ABLIM1: variants seen among roughly 807,000 people sequenced by gnomAD.
ABLIM1 encodes actin-binding LIM protein 1.
A neutral mutation model predicts 107.0 loss-of-function variants in ABLIM1; 40 were observed. That is an observed-to-expected ratio of 0.37 (90% CI 0.29 to 0.49). The LOEUF is 0.49. Ranked by LOEUF, ABLIM1 falls within the 20% of genes least tolerant of loss-of-function variation. The pLI, the probability that ABLIM1 is intolerant of heterozygous loss-of-function variation, is 0.97. For synonymous variants in ABLIM1, 357 were observed against 357.3 expected (o/e 1.00, Z 0.01); for missense variants, 857 against 1,008.5 (o/e 0.85, Z 2.04).
intron 1 of ABLIM1, among the ~76,000 whole-genome samples, chr10:114,608,551 C>A (rs988689571): frequency 6.6e-6 from 1 of 152,072 alleles, no homozygotes; most frequent in African/African-American, 2.4e-5. Context: ...TGCCTGTAAT[C>A]CCAGCTACTC....
intron 1 of ABLIM1, among the ~76,000 whole-genome samples, chr10:114,712,107 C>T (rs190453699): frequency 1.3e-5 from 2 of 151,918 alleles, no homozygotes; most frequent in African/African-American, 2.4e-5. Context: ...AATCCCAGCA[C>T]GTTGGGAGGC....
chr10:114,798,721 A>T, the ABLIM1 span, among the ~76,000 whole-genome samples: 1 of 152,194 alleles, frequency 6.6e-6, no homozygotes, highest in Admixed American at 6.5e-5. Context: ...AGCCTGGGTG[A>T]CAAAGCAAGA....
At position 114,438,849 on chromosome 10, in the gene ABLIM1, G is replaced by A. The variant is rs531639125; in HGVS notation, c.2142+327C>T. On this transcript the variant is annotated intron_variant, in intron 21 of 22. Coordinates refer to ENST00000533213, the MANE Select transcript of ABLIM1 (RefSeq NM_002313.7). Reference sequence around the variant, plus strand: ...GGGCTTTCAATGGTGAAACAGGGTTGCCTCACCTACATGGTGAGTCTGCAG... The same window carrying A: ...GGGCTTTCAATGGTGAAACAGGGTTACCTCACCTACATGGTGAGTCTGCAG... 5.9e-5 allele frequency among the ~76,000 whole-genome samples: 9 copies of A among 152,326 alleles called. No individual in the cohort carries two copies. In the East Asian group the frequency reaches 1.7e-3, roughly 29 times the overall value.
chr10:114,599,582 G>A (rs537198794), intron 2 of ABLIM1, among the ~76,000 whole-genome samples: 14 of 152,024 alleles, frequency 9.2e-5, no homozygotes, highest in African/African-American at 3.1e-4. Context: ...GACCAGCCTG[G>A]CCAACATGAT....
rs972044606 is a variant in ABLIM1, at chr10:114,435,805, G to T, written c.*455C>A. 1.9e-5 allele frequency: 3 copies of T among 154,706 alleles called. No individual in the cohort carries two copies. Among genetic ancestry groups the T allele is most frequent in the African/African-American group, 7.2e-5 (3 of 41,440 alleles). The allele number at this position is 154,706 out of a possible 1,614,324, so 9.6% of individuals were successfully genotyped here. On this transcript the variant is annotated 3_prime_UTR_variant, in exon 23 of 23. Coordinates refer to ENST00000533213, the MANE Select transcript of ABLIM1 (RefSeq NM_002313.7). The stretch of plus-strand genomic sequence containing the variant: ...TGAAATCACTGCCACCCCATGGACA[G>T]ACCCCTCACTCTTCCTTCTTAGCCG...
chr10:114,690,673 C>T (rs949772119), intron 1 of ABLIM1: 12 of 537,080 alleles, frequency 2.2e-5, no homozygotes, highest in East Asian at 2.1e-4. Context: ...GTGGCGGCAG[C>T]GTCTGCAAAA....
At chr10:114,577,071 G>A (rs1565987699) in intron 2 of ABLIM1, among the ~76,000 whole-genome samples, 1 of 152,124 alleles carries the variant, frequency 6.6e-6, no homozygotes, top group Non-Finnish European at 1.5e-5. Context: ...AGCAACAATA[G>A]GCAGTCTGGG....
chr10:114,608,364 C>A (rs928549673), intron 1 of ABLIM1, among the ~76,000 whole-genome samples: 1 of 151,748 alleles, frequency 6.6e-6, no homozygotes, highest in Admixed American at 6.6e-5. Context: ...AAGTCTGTCA[C>A]CAAAATAAAT....
chr10:114,609,081 A>G (rs1216579168), intron 1 of ABLIM1, among the ~76,000 whole-genome samples: 1 of 152,094 alleles, frequency 6.6e-6, no homozygotes, highest in Non-Finnish European at 1.5e-5. Context: ...CTAACTTCAG[A>G]GATCTTCAAT....
At chr10:114,461,549 T>C (rs2063909751) in intron 12 of ABLIM1, among the ~76,000 whole-genome samples, 2 of 152,290 alleles carry the variant, frequency 1.3e-5, no homozygotes, top group African/African-American at 2.4e-5. Flanking sequence ...CTGAGCATGA[T>C]AGCTCACGCC....
chr10:114,583,070 C>T (rs943847150), intron 2 of ABLIM1, among the ~76,000 whole-genome samples: 2 of 151,916 alleles, frequency 1.3e-5, no homozygotes, highest in Non-Finnish European at 2.9e-5. Context: ...ACAGAGTAAA[C>T]AGACAACCTA....
At chr10:114,788,077 A>C in the ABLIM1 span, among the ~76,000 whole-genome samples, 2 of 151,212 alleles carry the variant, frequency 1.3e-5, no homozygotes, top group Non-Finnish European at 2.9e-5. Context: ...ACTCAGGGTT[A>C]AATGGATTAA....
chr10:114,469,985 C>T (rs1316216594), intron 10 of ABLIM1, among the ~76,000 whole-genome samples: 1 of 152,196 alleles, frequency 6.6e-6, no homozygotes, highest in Admixed American at 6.5e-5. Context: ...TCTGCAGCTA[C>T]AGCCTGTCTC....
chr10:114,743,082 T>C (rs1053877354), intron 1 of ABLIM1, among the ~76,000 whole-genome samples: 7 of 152,214 alleles, frequency 4.6e-5, no homozygotes, highest in South Asian at 2.1e-4. Context: ...TAATAAGTAG[T>C]ATACGTTTAA....
the ABLIM1 span, among the ~76,000 whole-genome samples, chr10:114,797,150 T>C: frequency 4.0e-3 from 611 of 152,294 alleles, 1 homozygote; most frequent in African/African-American, 0.014. Flanking sequence ...CCAGACGTTG[T>C]TGGAACCTCC....
At chr10:114,732,175 CTTTTCTTTTTTT>C (rs2082087867) in intron 1 of ABLIM1, among the ~76,000 whole-genome samples, 1 of 131,602 alleles carries the variant, frequency 7.6e-6, no homozygotes, top group Admixed American at 7.7e-5. Flanking sequence ...CTTTTCTTTT[CTTTTCTTTTTTT>C]TTTTTTTTTT....
In ABLIM1 at chr10:114,690,531, C is replaced by G. The variant is rs745770008; in HGVS notation, c.-213+77530G>C. 12 of 1,373,094 alleles carry G rather than the reference C, an allele frequency of 8.7e-6. No individual in the cohort carries two copies. The East Asian group carries it at 2.5e-4, about 29-fold the overall frequency. 85.1% of individuals were successfully genotyped at this position (1,373,094 alleles called of 1,614,324 possible). The stretch of plus-strand genomic sequence containing the variant: ...TCCTTTCTCTCCCATGCCCAGAACA[C>G]GAAGGTTTTCTGCTGTCTTTGGAAA... On this transcript the variant is annotated intron_variant, in intron 1 of 15. Transcript: ENST00000651092.
At chr10:114,437,485 A>G (rs564476587) in intron 22 of ABLIM1, among the ~76,000 whole-genome samples, 2 of 150,214 alleles carry the variant, frequency 1.3e-5, no homozygotes, top group African/African-American at 5.0e-5. Flanking sequence ...TGCCCCGTGA[A>G]TTTTTGTATT....
At chr10:114,685,803 A>T (rs866643986), upstream of ABLIM1, among the ~76,000 whole-genome samples, 1 of 152,218 alleles carries the variant, frequency 6.6e-6, no homozygotes, top group Non-Finnish European at 1.5e-5. Context: ...TTTTAGCCTA[A>T]TGTGTTTTTT....
Sources: allele counts gnomAD v4.1 joint callset (sites outside exome capture counted in the v4.1 genomes callset), GRCh38; gene constraint gnomAD v4.1.1; transcripts MANE v1.5; gene names NCBI Gene and HGNC (gene_info 2026-07-23, HGNC 2026-07-21).